Variants in ATP6V0A2 observed in about 807,000 individuals in gnomAD.
ATP6V0A2 encodes the protein V-type proton ATPase 116 kDa subunit a 2.
In ATP6V0A2, 58 loss-of-function variants were observed where a neutral mutation model predicts 104.4. The ratio of observed to expected loss-of-function variants is 0.56; its 90% CI spans 0.45 to 0.69. The LOEUF (loss-of-function observed/expected upper bound fraction) is 0.69, where lower values mean the gene tolerates loss of function less well. Ranked by LOEUF, ATP6V0A2 falls within the 30% of genes least tolerant of loss-of-function variation. The pLI, the probability that ATP6V0A2 is intolerant of heterozygous loss-of-function variation, is 0.00. For missense variants in ATP6V0A2, 938 were observed against 1,062.9 expected (o/e 0.88, Z 1.63); for synonymous variants, 376 against 397.9 (o/e 0.95, Z 0.65).
intron 13 of ATP6V0A2, among the ~76,000 whole-genome samples, chr12:123,746,721 C>T (rs1388582049): frequency 2.0e-5 from 3 of 149,774 alleles, no homozygotes; most frequent in Non-Finnish European, 4.4e-5. Context: ...CCGAGGCAGG[C>T]GGATCACCTG....
intron 17 of ATP6V0A2, chr12:123,754,135 C>G (rs1191405493): frequency 3.6e-6 from 2 of 555,180 alleles, no homozygotes; most frequent in Non-Finnish European, 6.4e-6. Context: ...GGCAGTTCCT[C>G]TGGTCTACCT....
chr12:123,740,934 C>G (rs1039958270), intron 9 of ATP6V0A2, among the ~76,000 whole-genome samples: 7 of 151,650 alleles, frequency 4.6e-5, no homozygotes, highest in Admixed American at 1.3e-4. Context: ...ATTCCTGGTG[C>G]TTTTTCCTGT....
chr12:123,755,065 C>T (rs1013753879), intron 18 of ATP6V0A2, among the ~76,000 whole-genome samples: 2 of 152,146 alleles, frequency 1.3e-5, no homozygotes, highest in Admixed American at 1.3e-4. Flanking sequence ...AGCATGGTTC[C>T]CATTTCAGTC....
At chr12:123,735,713 A>G in intron 8 of ATP6V0A2, 89 bp downstream of exon 8, 1 of 1,085,060 alleles carries the variant, frequency 9.2e-7, no homozygotes, top group South Asian at 1.3e-5. Flanking sequence ...CATAGATAAT[A>G]TTGGTCGTAG....
chr12:123,760,117 C>G lies in ATP6V0A2; in HGVS notation c.*2085C>G, dbSNP rs185883563. 7 of 152,302 alleles carry G rather than the reference C, an allele frequency of 4.6e-5. No individual in the cohort carries two copies. In the East Asian group the frequency reaches 1.4e-3, roughly 29 times the overall value. The allele number at this position is 152,302 out of a possible 1,614,324, so 9.4% of individuals were successfully genotyped here. On this transcript the variant is annotated 3_prime_UTR_variant, in exon 20 of 20. Coordinates refer to ENST00000330342, the MANE Select transcript of ATP6V0A2 (RefSeq NM_012463.4). The stretch of plus-strand genomic sequence containing the variant: ...TTCATCCCTAGGAAGCCCAAGACTT[C>G]AGGGCACTGTTAGCTGATTGGTAAA...
intron 6 of ATP6V0A2, chr12:123,730,573 G>A (rs1956492753): frequency 6.6e-6 from 1 of 152,138 alleles, no homozygotes; most frequent in Admixed American, 6.5e-5. Flanking sequence ...AACTGCCAGT[G>A]ACCATCGTTA....
intron 19 of ATP6V0A2, among the ~76,000 whole-genome samples, chr12:123,757,304 G>C (rs1191193162): frequency 6.6e-6 from 1 of 152,080 alleles, no homozygotes; most frequent in East Asian, 1.9e-4. Context: ...AGCTGGGTGT[G>C]GTGTCGTGCG....
At chr12:123,738,821 GT>G (rs745679429) in intron 9 of ATP6V0A2, 15 of 152,132 alleles carry the variant, frequency 9.9e-5, no homozygotes, top group Non-Finnish European at 1.6e-4. Context: ...TTTTTCATGA[GT>G]TTTTTGGTTA....
At chr12:123,745,757 C>G (rs1170809458) in intron 13 of ATP6V0A2, among the ~76,000 whole-genome samples, 6 of 151,732 alleles carry the variant, frequency 4.0e-5, no homozygotes, top group Non-Finnish European at 7.4e-5. Context: ...GTGCCAGGAC[C>G]CCCAACCCCT....
intron 9 of ATP6V0A2, among the ~76,000 whole-genome samples, chr12:123,738,408 A>G (rs866816118): frequency 1.4e-4 from 22 of 151,864 alleles, no homozygotes; most frequent in African/African-American, 5.3e-4. Context: ...AAAAAAAAAA[A>G]GAGCGTTTTC....
In ATP6V0A2 at chr12:123,760,978, C is replaced by T. The variant is rs1047745199; in HGVS notation, c.*2946C>T. 4 of 152,220 alleles carry T rather than the reference C, an allele frequency of 2.6e-5. No individual in the cohort carries two copies. Among genetic ancestry groups the T allele is most frequent in the African/African-American group, 9.7e-5 (4 of 41,450 alleles). The allele number at this position is 152,220 out of a possible 1,614,324, so 9.4% of individuals were successfully genotyped here. A position where few individuals can be genotyped will look rare whatever the true frequency, so the allele number is the denominator to read the frequency against. On this transcript the variant is annotated 3_prime_UTR_variant, in exon 20 of 20. Transcript: ENST00000330342. ...CTGAAGTGCAGTGGTGCAGTCTCGG[C>T]TCACTGCAACCTCTGCCTCCTGGGT... is the stretch of plus-strand genomic sequence containing the variant.
intron 18 of ATP6V0A2, among the ~76,000 whole-genome samples, chr12:123,756,127 C>T (rs898579764): frequency 4.7e-5 from 7 of 149,782 alleles, no homozygotes; most frequent in African/African-American, 1.5e-4. Context: ...TATTGTTGGC[C>T]AACAATATAG....
intron 6 of ATP6V0A2, among the ~76,000 whole-genome samples, chr12:123,729,968 C>T (rs1440778317): frequency 6.6e-6 from 1 of 151,306 alleles, no homozygotes; most frequent in African/African-American, 2.4e-5. Context: ...AGGCGTGGAC[C>T]ACCACATCTG....
intron 6 of ATP6V0A2, among the ~76,000 whole-genome samples, chr12:123,730,488 C>T (rs1226253628): frequency 2.6e-5 from 4 of 152,238 alleles, no homozygotes; most frequent in Non-Finnish European, 4.4e-5. Flanking sequence ...AAATCTAATC[C>T]GTTTGAAATC....
At chr12:123,728,796 A>G (rs1956472120) in intron 6 of ATP6V0A2, among the ~76,000 whole-genome samples, 1 of 151,208 alleles carries the variant, frequency 6.6e-6, no homozygotes, top group African/African-American at 2.4e-5. Flanking sequence ...GGTCCCTCTG[A>G]TCACTTGATT....
intron 9 of ATP6V0A2, among the ~76,000 whole-genome samples, chr12:123,739,943 T>C (rs1956592216): frequency 6.6e-6 from 1 of 152,222 alleles, no homozygotes; most frequent in South Asian, 2.1e-4. Context: ...ATATCTTTTC[T>C]TTTTCTTTAA....
chr12:123,753,161 C>T (rs1956732545), intron 17 of ATP6V0A2, among the ~76,000 whole-genome samples: 1 of 138,526 alleles, frequency 7.2e-6, no homozygotes, highest in African/African-American at 2.7e-5. Flanking sequence ...TGTCAGTCCC[C>T]TTTACCAGTG....
chr12:123,745,913 C>A (rs1231678646), intron 13 of ATP6V0A2, among the ~76,000 whole-genome samples: 1 of 152,064 alleles, frequency 6.6e-6, no homozygotes, highest in Non-Finnish European at 1.5e-5. Context: ...TGTGTACAGT[C>A]GTTAAACTGA....
intron 1 of ATP6V0A2, 104 bp downstream of exon 1, chr12:123,712,786 C>T: frequency 1.0e-6 from 1 of 991,810 alleles, no homozygotes; most frequent in Non-Finnish European, 1.5e-6. Context: ...AAGGGCGCGC[C>T]CCGTCCCCAT....
Sources: allele counts gnomAD v4.1 joint callset (sites outside exome capture counted in the v4.1 genomes callset), GRCh38; gene constraint gnomAD v4.1.1; transcripts MANE v1.5; gene names NCBI Gene and HGNC (gene_info 2026-07-23, HGNC 2026-07-21).